Variants in SLC39A12 observed in about 807,000 individuals in gnomAD.
The protein encoded by SLC39A12 is solute carrier family 39 member 12.
In SLC39A12, 63 loss-of-function variants were observed where a neutral mutation model predicts 71.1. The ratio of observed to expected loss-of-function variants is 0.89; its 90% confidence interval spans 0.72 to 1.09. SLC39A12 has a LOEUF of 1.09. SLC39A12 is among the 50% of genes least tolerant of loss of function. The probability of loss-of-function intolerance (pLI) is 0.00; values close to 1 mark genes in which losing one functional copy is unlikely to be tolerated. For missense variants in SLC39A12, 892 were observed against 812.6 expected (o/e 1.10, Z -1.19); for synonymous variants, 351 against 301.3 (o/e 1.16, Z -1.71).
At position 17,965,667 on chromosome 10, in the gene SLC39A12, G is replaced by A. The variant is rs183109335; in HGVS notation, c.728G>A (p.Arg243His). ...FTEYIFSSLN[R>H]TNTLRLSELD... The stretch of plus-strand genomic sequence containing the variant: ...GAATATATTTTCAGTTCCTTGAATC[G>A]TACGAATACCCTCCGCCTATCAGGT... Residue 243 changes from arginine to histidine, a missense_variant, in exon 4 of 13, where the codon CGT (arginine) becomes CAT (histidine). Transcript: ENST00000377369. The A allele has an allele frequency of 2.2e-5, 35 of 1,613,818 alleles. No homozygotes were observed. Among genetic ancestry groups the A allele is most frequent in the East Asian group, 4.5e-5 (2 of 44,874 alleles).
At chr10:17,977,314 T>G (rs1383443256) in intron 4 of SLC39A12, among the ~76,000 whole-genome samples, 5 of 152,120 alleles carry the variant, frequency 3.3e-5, no homozygotes, top group African/African-American at 1.2e-4. Context: ...ATGTATTTAT[T>G]GACTGCTTTT....
At chr10:18,011,330 C>G (rs1218157145) in intron 12 of SLC39A12, among the ~76,000 whole-genome samples, 1 of 152,170 alleles carries the variant, frequency 6.6e-6, no homozygotes, top group Non-Finnish European at 1.5e-5. Flanking sequence ...CTCAAGTGAT[C>G]CACCTGCCTC....
intron 5 of SLC39A12, among the ~76,000 whole-genome samples, chr10:17,978,472 T>C (rs769060413): frequency 2.6e-5 from 4 of 152,218 alleles, no homozygotes; most frequent in African/African-American, 7.2e-5. Flanking sequence ...CTGCCATGTA[T>C]AATAGGAATC....
intron 5 of SLC39A12, among the ~76,000 whole-genome samples, chr10:17,978,867 T>C (rs1277717642): frequency 6.6e-6 from 1 of 152,196 alleles, no homozygotes; most frequent in African/African-American, 2.4e-5. Flanking sequence ...CCAAGGGTTG[T>C]GCCTGGGCCT....
chr10:18,038,460 G>T (rs564975792), intron 12 of SLC39A12, among the ~76,000 whole-genome samples: 1 of 152,210 alleles, frequency 6.6e-6, no homozygotes, highest in East Asian at 1.9e-4. Context: ...AGACCAGCCT[G>T]GCTAACATGG....
intron 2 of SLC39A12, among the ~76,000 whole-genome samples, chr10:17,958,786 C>T (rs1425225264): frequency 6.6e-6 from 1 of 152,154 alleles, no homozygotes; most frequent in Non-Finnish European, 1.5e-5. Context: ...TCCATTAATT[C>T]ATTGTGCATT....
intron 2 of SLC39A12, among the ~76,000 whole-genome samples, chr10:17,954,691 T>C (rs147953434): frequency 0.013 from 2,006 of 152,278 alleles, 18 homozygotes; most frequent in Non-Finnish European, 0.019. Context: ...CACCATCCCA[T>C]TCCTGACCCA....
intron 12 of SLC39A12, among the ~76,000 whole-genome samples, chr10:18,006,815 G>A (rs1169369827): frequency 6.6e-6 from 1 of 152,126 alleles, no homozygotes; most frequent in African/African-American, 2.4e-5. Flanking sequence ...CCTGGAAAGG[G>A]GCTCAAGCCA....
intron 4 of SLC39A12, 71 bp from the exon 5 acceptor site, chr10:17,977,831 G>A (rs1480497269): frequency 1.8e-6 from 2 of 1,116,602 alleles, no homozygotes; most frequent in Non-Finnish European, 2.5e-6. Context: ...CTATGCTGTA[G>A]CTATGTGAAA....
chr10:17,985,446 G>C (rs1367644580), intron 6 of SLC39A12, among the ~76,000 whole-genome samples: 1 of 126,290 alleles, frequency 7.9e-6, no homozygotes, highest in Non-Finnish European at 1.7e-5. Context: ...ACTTTAAGAG[G>C]ATAGTTTTTT....
chr10:18,016,768 C>T (rs7893893), intron 12 of SLC39A12, among the ~76,000 whole-genome samples: 18,508 of 152,070 alleles, frequency 0.12, 1,728 homozygotes, highest in African/African-American at 0.25. Context: ...TTCATTGTTG[C>T]TGTAATTTGC....
intron 11 of SLC39A12, among the ~76,000 whole-genome samples, chr10:18,001,533 A>G (rs1305786612): frequency 6.6e-6 from 1 of 152,142 alleles, no homozygotes; most frequent in Non-Finnish European, 1.5e-5. Context: ...AACAAAAACA[A>G]AAACAAAAAA....
At chr10:18,021,231 T>G (rs1836524524) in intron 12 of SLC39A12, among the ~76,000 whole-genome samples, 1 of 151,888 alleles carries the variant, frequency 6.6e-6, no homozygotes, top group South Asian at 2.1e-4. Context: ...TAGAGAGGCC[T>G]TTTCTGCTTG....
intron 12 of SLC39A12, chr10:18,005,458 T>G (rs1342094642): frequency 6.6e-6 from 1 of 152,280 alleles, no homozygotes; most frequent in Non-Finnish European, 1.5e-5. Context: ...TTGAGCTTCC[T>G]AATTTTCAAC....
At chr10:17,982,104 A>G (rs1835275325) in intron 6 of SLC39A12, among the ~76,000 whole-genome samples, 1 of 152,190 alleles carries the variant, frequency 6.6e-6, no homozygotes, top group Non-Finnish European at 1.5e-5. Context: ...ACCAAAGCTC[A>G]CTGGGCTGCT....
At chr10:18,013,854 C>T (rs899390374) in intron 12 of SLC39A12, among the ~76,000 whole-genome samples, 6 of 152,190 alleles carry the variant, frequency 3.9e-5, no homozygotes, top group Non-Finnish European at 4.4e-5. Context: ...GTACCACACT[C>T]ATCTGATTAT....
intron 4 of SLC39A12, among the ~76,000 whole-genome samples, chr10:17,975,489 A>G (rs571188823): frequency 4.6e-5 from 7 of 152,132 alleles, no homozygotes; most frequent in Non-Finnish European, 1.0e-4. Flanking sequence ...TGGAAACAGG[A>G]CCTTGCAACT....
chr10:17,961,494 C>A lies in SLC39A12; in HGVS notation c.262-87C>A, dbSNP rs1274528727. The A allele has an allele frequency of 2.7e-5, 34 of 1,272,010 alleles. No individual in the cohort carries two copies. The Admixed American group carries it at 8.0e-4, about 30-fold the overall frequency. 78.8% of individuals were successfully genotyped at this position (1,272,010 alleles called of 1,614,324 possible). A position where few individuals can be genotyped will look rare whatever the true frequency, so the allele number is the denominator to read the frequency against. On this transcript the variant is annotated intron_variant, in intron 2 of 12. Coordinates refer to ENST00000377369, the MANE Select transcript of SLC39A12 (RefSeq NM_001145195.2). The stretch of plus-strand genomic sequence containing the variant: ...TCCTTTCTGTTTATAAAATGATAAG[C>A]AATGAAGACCCTGGTGGTCATTAGT...
At chr10:17,971,060 A>G (rs1271198700) in intron 4 of SLC39A12, among the ~76,000 whole-genome samples, 3 of 152,074 alleles carry the variant, frequency 2.0e-5, no homozygotes, top group East Asian at 1.9e-4. Flanking sequence ...TGAAATGATC[A>G]TATGATTTTT....
Sources: gnomAD v4.1 joint callset for allele counts (sites outside exome capture counted in the v4.1 genomes callset) on GRCh38, gnomAD v4.1.1 for gene constraint, MANE v1.5 for transcripts, NCBI Gene and HGNC (gene_info 2026-07-23, HGNC 2026-07-21) for gene names.